Variants in BRAF observed in about 807,000 individuals in gnomAD.
BRAF encodes the protein B-Raf proto-oncogene, serine/threonine kinase.
Under a neutral mutation model 104.6 loss-of-function variants are expected in BRAF, and 16 were observed. The ratio of observed to expected loss-of-function variants is 0.15; its 90% CI spans 0.10 to 0.23. BRAF has a LOEUF of 0.23. Among genes scored for constraint, BRAF ranks in the 10% least tolerant of loss-of-function variants. The pLI, the probability that BRAF is intolerant of heterozygous loss-of-function variation, is 1.00. For synonymous variants in BRAF, 310 were observed against 341.6 expected (o/e 0.91, Z 1.02); for missense variants, 541 against 937.3 (o/e 0.58, Z 5.52).
At chr7:140,918,091 G>A (rs1426304231) in intron 1 of BRAF, among the ~76,000 whole-genome samples, 1 of 152,152 alleles carries the variant, frequency 6.6e-6, no homozygotes, top group Non-Finnish European at 1.5e-5. Flanking sequence ...GAAGATTTAT[G>A]CCAGCACAAA....
chr7:140,808,348 GT>G (rs1803868802), intron 4 of BRAF: 1 of 403,334 alleles, frequency 2.5e-6, no homozygotes, highest in African/African-American at 2.8e-5. Context: ...TGTTCCTGGG[GT>G]CCAAAAAAAA....
chr7:140,822,796 G>C (rs1384658536), intron 3 of BRAF, among the ~76,000 whole-genome samples: 1 of 152,202 alleles, frequency 6.6e-6, no homozygotes, highest in Non-Finnish European at 1.5e-5. Context: ...CCGAGGAGTA[G>C]AAGGGCTGTG....
chr7:140,825,636 C>T (rs932793010), intron 3 of BRAF, among the ~76,000 whole-genome samples: 14 of 152,148 alleles, frequency 9.2e-5, no homozygotes, highest in East Asian at 5.8e-4. Context: ...AAGTGAACTC[C>T]TTCTCTGGAA....
chr7:140,744,766 C>T (rs995772954), intron 17 of BRAF, among the ~76,000 whole-genome samples: 1 of 152,124 alleles, frequency 6.6e-6, no homozygotes, highest in Admixed American at 6.5e-5. Context: ...CCATGTCATT[C>T]ATTAAGATAC....
chr7:140,723,501 T>C lies in BRAF; in HGVS notation c.*2993A>G. 2 of 1,053,352 alleles carry C rather than the reference T, an allele frequency of 1.9e-6. No homozygotes were observed. Among genetic ancestry groups the C allele is most frequent in the East Asian group, 1.1e-4 (2 of 18,618 alleles). 65.3% of individuals were successfully genotyped at this position (1,053,352 alleles called of 1,614,324 possible). On this transcript the variant is annotated 3_prime_UTR_variant, in exon 20 of 20. Coordinates refer to ENST00000644969, the MANE Select transcript of BRAF (RefSeq NM_001374258.1). ...TTGACAGCTAGACAGAATCTTCTTT[T>C]AAGGTGCACATTAACAACAAATGAT...
chr7:140,724,074 G>T lies in BRAF; in HGVS notation c.*2420C>A, dbSNP rs994174606. On this transcript the variant is annotated 3_prime_UTR_variant, in exon 20 of 20. Transcript: ENST00000644969. Reference sequence around the variant, plus strand: ...GGCTCCTGGGCACAGCTTCATTTGAGATCAAGTCTGCTCCCCCGTTCAAAT... The same window carrying T: ...GGCTCCTGGGCACAGCTTCATTTGATATCAAGTCTGCTCCCCCGTTCAAAT... 5 of 1,047,932 alleles carry T rather than the reference G, an allele frequency of 4.8e-6. No homozygotes were observed. The highest frequency in any genetic ancestry group is 5.5e-5 in the Admixed American group (1 of 18,088). 64.9% of individuals were successfully genotyped at this position (1,047,932 alleles called of 1,614,324 possible).
chr7:140,748,118 TACACAC>T (rs1797499864), intron 17 of BRAF, among the ~76,000 whole-genome samples: 1 of 152,188 alleles, frequency 6.6e-6, no homozygotes, highest in African/African-American at 2.4e-5. Flanking sequence ...ATTCAGTAAG[TACACAC>T]ACAAAGTACA....
At chr7:140,839,495 C>T (rs1807703949) in intron 2 of BRAF, among the ~76,000 whole-genome samples, 1 of 151,956 alleles carries the variant, frequency 6.6e-6, no homozygotes, top group Non-Finnish European at 1.5e-5. Context: ...TTTGGGAGGC[C>T]AAGGCAGGCA....
In BRAF at chr7:140,781,607, T is replaced by G. The variant is rs776001588; in HGVS notation, c.1521A>C (p.Ser507=). Residue 507 remains serine, a synonymous_variant, in exon 12 of 20, where the codon TCA becomes TCC. Transcript: ENST00000644969. ...ITVGQRIGSG[S]FGTVYKGKWH... ...ACTTTCCCTTGTAGACTGTTCCAAATGATCCAGATCCAATTCTTTGTCCCA... is the reference window on the plus strand; with the variant it reads ...ACTTTCCCTTGTAGACTGTTCCAAAGGATCCAGATCCAATTCTTTGTCCCA... 3.1e-6 allele frequency: 5 copies of G among 1,614,146 alleles called. No homozygotes were observed. The highest frequency in any genetic ancestry group is 3.4e-6 in the Non-Finnish European group (4 of 1,179,990).
At chr7:140,829,417 C>A (rs188093758) in intron 3 of BRAF, among the ~76,000 whole-genome samples, 9 of 150,294 alleles carry the variant, frequency 6.0e-5, no homozygotes, top group African/African-American at 2.2e-4. Context: ...AAGATGTGGG[C>A]CCAATTTTAT....
chr7:140,816,129 T>C (rs1253852570), intron 3 of BRAF, among the ~76,000 whole-genome samples: 4 of 152,240 alleles, frequency 2.6e-5, no homozygotes, highest in Non-Finnish European at 5.9e-5. Context: ...TTAAACACAG[T>C]AATTTACGTA....
intron 18 of BRAF, among the ~76,000 whole-genome samples, chr7:140,735,619 C>T (rs1796341922): frequency 6.6e-6 from 1 of 151,564 alleles, no homozygotes; most frequent in African/African-American, 2.4e-5. Flanking sequence ...TGCAGTGGCA[C>T]AATCTCAGCT....
At chr7:140,913,179 A>G (rs1817194635) in intron 1 of BRAF, among the ~76,000 whole-genome samples, 1 of 151,848 alleles carries the variant, frequency 6.6e-6, no homozygotes, top group Non-Finnish European at 1.5e-5. Flanking sequence ...ATTGCTCCAC[A>G]GCACTTATTA....
intron 1 of BRAF, among the ~76,000 whole-genome samples, chr7:140,906,881 G>A (rs555058929): frequency 1.3e-5 from 2 of 152,236 alleles, no homozygotes; most frequent in African/African-American, 2.4e-5. Context: ...GTTTTCCTAT[G>A]ATTTGTCTGG....
intron 8 of BRAF, among the ~76,000 whole-genome samples, chr7:140,793,095 T>C (rs368013842): frequency 1.3e-5 from 2 of 152,284 alleles, no homozygotes; most frequent in South Asian, 2.1e-4. Flanking sequence ...GAAAAGGTGA[T>C]ACCCTGTGAC....
chr7:140,852,609 ATG>A (rs1809305916), intron 1 of BRAF, among the ~76,000 whole-genome samples: 1 of 152,094 alleles, frequency 6.6e-6, no homozygotes, highest in Non-Finnish European at 1.5e-5. Context: ...AAAGTGTCAG[ATG>A]GCTTCTTTTG....
intron 3 of BRAF, among the ~76,000 whole-genome samples, chr7:140,818,699 T>C (rs1453830243): frequency 6.6e-6 from 1 of 152,244 alleles, no homozygotes; most frequent in African/African-American, 2.4e-5. Flanking sequence ...GTCACCAATT[T>C]TGAAATACCT....
chr7:140,903,100 T>G (rs2129131008), intron 1 of BRAF, among the ~76,000 whole-genome samples: 1 of 152,008 alleles, frequency 6.6e-6, no homozygotes, highest in East Asian at 1.9e-4. Flanking sequence ...AATTTTGTAT[T>G]TTTTTAGTAG....
Position 140,858,519 on chromosome 7 carries a change from G to C in BRAF, c.139-8307C>G, listed in dbSNP as rs904734313. Among the ~76,000 whole-genome samples the C allele has an allele frequency of 4.6e-5, 7 of 152,100 alleles. No individual in the cohort carries two copies. In the East Asian group the frequency reaches 1.3e-3, roughly 29 times the overall value. ...TGGATTCTTTAATAAATCATTTCATGGGAGAACAAAACAGTAGGTGGTCAG... is the reference window on the plus strand; with the variant it reads ...TGGATTCTTTAATAAATCATTTCATCGGAGAACAAAACAGTAGGTGGTCAG... On this transcript the variant is annotated intron_variant, in intron 1 of 19. Coordinates refer to ENST00000644969, the MANE Select transcript of BRAF (RefSeq NM_001374258.1).
Sources: allele counts gnomAD v4.1 joint callset (sites outside exome capture counted in the v4.1 genomes callset), GRCh38; gene constraint gnomAD v4.1.1; transcripts MANE v1.5; gene names NCBI Gene and HGNC (gene_info 2026-07-23, HGNC 2026-07-21).